The following HHIP variants were observed in gnomAD, a reference collection of about 807,000 sequenced individuals.
HHIP encodes the protein hedgehog interacting protein.
In HHIP, 12 loss-of-function variants were observed where a neutral mutation model predicts 74.0. The ratio of observed to expected loss-of-function variants is 0.16; its 90% CI spans 0.10 to 0.26. The LOEUF is 0.26. Ranked by LOEUF, HHIP falls within the 10% of genes least tolerant of loss-of-function variation. The pLI, the probability that HHIP is intolerant of heterozygous loss-of-function variation, is 1.00. For synonymous variants in HHIP, 309 were observed against 311.6 expected (o/e 0.99, Z 0.09); for missense variants, 788 against 845.0 (o/e 0.93, Z 0.84).
intron 5 of HHIP, 57 bp from the exon 6 acceptor site, chr4:144,707,030 A>G: frequency 7.7e-6 from 11 of 1,428,080 alleles, no homozygotes; most frequent in Non-Finnish European, 9.9e-6. Context: ...TCACTTTCTG[A>G]TGGACTCATC....
At chr4:144,675,391 GT>G (rs1315060071) in intron 4 of HHIP, among the ~76,000 whole-genome samples, 2 of 152,102 alleles carry the variant, frequency 1.3e-5, no homozygotes, top group African/African-American at 4.8e-5. Context: ...TTACGAGAAA[GT>G]TTTTATGGTG....
intron 1 of HHIP, among the ~76,000 whole-genome samples, chr4:144,649,122 T>C (rs1289184084): frequency 6.6e-6 from 1 of 152,186 alleles, no homozygotes; most frequent in Non-Finnish European, 1.5e-5. Context: ...CTTCAGTGTT[T>C]CCCTTTTTCC....
chr4:144,684,322 G>C (rs991541507), intron 4 of HHIP, among the ~76,000 whole-genome samples: 1 of 115,550 alleles, frequency 8.7e-6, no homozygotes, highest in African/African-American at 3.3e-5. Flanking sequence ...GCAGTGGCGC[G>C]ATCTCGGCTC....
At chr4:144,655,038 A>C (rs1728523685) in intron 2 of HHIP, 1 of 152,198 alleles carries the variant, frequency 6.6e-6, no homozygotes, top group Non-Finnish European at 1.5e-5. Flanking sequence ...AGAAATGTAC[A>C]TATAAATGAC....
intron 4 of HHIP, among the ~76,000 whole-genome samples, chr4:144,681,018 G>A (rs189643890): frequency 7.9e-5 from 12 of 152,026 alleles, no homozygotes; most frequent in South Asian, 2.1e-4. Context: ...AAAGATACAC[G>A]GTGAAAATGA....
chr4:144,732,693 T>C (rs1209250958), intron 11 of HHIP, among the ~76,000 whole-genome samples: 1 of 152,192 alleles, frequency 6.6e-6, no homozygotes, highest in African/African-American at 2.4e-5. Context: ...ATGACCTAAA[T>C]GATGCCATCT....
In HHIP at chr4:144,737,952, G is replaced by C; in HGVS notation, c.2098G>C (p.Val700Leu). 1 of 1,592,104 alleles carries C rather than the reference G, an allele frequency of 6.3e-7. No individual in the cohort carries two copies. The highest frequency in any genetic ancestry group is 1.3e-5 in the African/African-American group (1 of 74,206). Residue 700 changes from valine to leucine, a missense_variant, in exon 13 of 13, where the codon GTA becomes CTA. By Grantham distance (32) the Val-to-Leu change is conservative. Coordinates refer to ENST00000296575, the MANE Select transcript of HHIP (RefSeq NM_022475.3). ...SYLLDLTSYI[V>L] ...CTTGCTGGATCTAACAAGTTACATT[G>C]TATAGTTTCTGGGACTGTTTGAATA...
Position 144,744,846 on chromosome 4 carries a change from G to C in HHIP, c.*6889G>C, listed in dbSNP as rs1351485876. 6.6e-6 allele frequency: 1 copy of C among 152,014 alleles called. No homozygotes were observed. The highest frequency in any genetic ancestry group is 1.5e-5 in the Non-Finnish European group (1 of 68,006). 9.4% of individuals were successfully genotyped at this position (152,014 alleles called of 1,614,324 possible). A position where few individuals can be genotyped will look rare whatever the true frequency, so the allele number is the denominator to read the frequency against. ...CAAAAGACAATAATCACATCCAACG[G>C]CACCAGTTCAGCTCAACTTTAGAAT... On this transcript the variant is annotated 3_prime_UTR_variant, in exon 13 of 13. Transcript: ENST00000296575.
chr4:144,716,792 T>G (rs1267271327), intron 10 of HHIP, among the ~76,000 whole-genome samples: 3 of 127,380 alleles, frequency 2.4e-5, no homozygotes. Context: ...GAGGTTGCAG[T>G]GAGCCAAGAT....
chr4:144,732,542 T>C (rs6827641), intron 11 of HHIP, among the ~76,000 whole-genome samples: 75,147 of 151,972 alleles, frequency 0.49, 19,803 homozygotes, highest in South Asian at 0.72. Context: ...CACTCTCCCC[T>C]AAAGAATAGC....
intron 4 of HHIP, among the ~76,000 whole-genome samples, chr4:144,665,817 T>C (rs1167859325): frequency 6.6e-6 from 1 of 152,208 alleles, no homozygotes; most frequent in Non-Finnish European, 1.5e-5. Flanking sequence ...TTTCTCCAGT[T>C]GAGTAGAGAA....
intron 4 of HHIP, among the ~76,000 whole-genome samples, chr4:144,693,256 C>T (rs180896052): frequency 6.6e-6 from 1 of 151,830 alleles, no homozygotes; most frequent in East Asian, 1.9e-4. Flanking sequence ...CAAACTGCTA[C>T]CTGGGTCAAA....
Position 144,658,643 on chromosome 4 carries a change from A to G in HHIP, c.473-147A>G, listed in dbSNP as rs1224012886. 5 of 614,718 alleles carry G rather than the reference A, an allele frequency of 8.1e-6. No homozygotes were observed. The East Asian group carries it at 8.6e-5, about 11-fold the overall frequency. The allele number at this position is 614,718 out of a possible 1,614,324, so 38.1% of individuals were successfully genotyped here. ...CTCAGCCTCACAAAGTGGTGGGATTACAGGACTGTTTTTATTTCAGTCTAG... is the reference window on the plus strand; with the variant it reads ...CTCAGCCTCACAAAGTGGTGGGATTGCAGGACTGTTTTTATTTCAGTCTAG... On this transcript the variant is annotated intron_variant, in intron 2 of 12. Transcript: ENST00000296575.
chr4:144,734,698 T>C, intron 11 of HHIP, 43 bp from the exon 12 acceptor site: 2 of 1,438,600 alleles, frequency 1.4e-6, no homozygotes, highest in Non-Finnish European at 1.9e-6. Context: ...CCACTGTTGA[T>C]TTTCAAATGG....
intron 4 of HHIP, among the ~76,000 whole-genome samples, chr4:144,666,687 G>C (rs949157144): frequency 1.3e-5 from 2 of 152,156 alleles, no homozygotes; most frequent in Non-Finnish European, 2.9e-5. Flanking sequence ...AGAGACTGCA[G>C]AGCATGTTAA....
chr4:144,687,751 C>CTTTTTTTTTT (rs5862719), intron 4 of HHIP, among the ~76,000 whole-genome samples: 7 of 73,442 alleles, frequency 9.5e-5, no homozygotes, highest in Non-Finnish European at 1.4e-4. Context: ...CTTTTGGCAA[C>CTTTTTTTTTT]TTTTTTTTTT....
intron 4 of HHIP, among the ~76,000 whole-genome samples, chr4:144,675,244 T>C (rs1316102413): frequency 1.3e-5 from 2 of 152,218 alleles, no homozygotes; most frequent in Non-Finnish European, 2.9e-5. Context: ...CTAATTTTGC[T>C]AATTTGAACT....
At position 144,715,468 on chromosome 4, in the gene HHIP, C is replaced by T. The variant is rs202165030; in HGVS notation, c.1678+38C>T. On this transcript the variant is annotated intron_variant, in intron 10 of 12. Transcript: ENST00000296575. Reference sequence around the variant, plus strand: ...CTAGTTCTGTTAAGTTTCATTCTCACTTCCTTTTTCAAGAGGCTTTGTTCT... The same window carrying T: ...CTAGTTCTGTTAAGTTTCATTCTCATTTCCTTTTTCAAGAGGCTTTGTTCT... 3.2e-4 allele frequency: 508 copies of T among 1,583,748 alleles called. 3 individuals carry two copies. The highest frequency in any genetic ancestry group is 2.8e-3 in the South Asian group (252 of 88,720).
chr4:144,698,423 T>C (rs1193511213), intron 4 of HHIP, among the ~76,000 whole-genome samples: 1 of 152,170 alleles, frequency 6.6e-6, no homozygotes, highest in Non-Finnish European at 1.5e-5. Context: ...TTGCCTACAA[T>C]AGTCAGTAAA....
Sources: allele counts gnomAD v4.1 joint callset (sites outside exome capture counted in the v4.1 genomes callset), GRCh38; gene constraint gnomAD v4.1.1; transcripts MANE v1.5; gene names NCBI Gene and HGNC (gene_info 2026-07-23, HGNC 2026-07-21).